The following FGFR2 variants were observed in gnomAD, a reference collection of about 807,000 sequenced individuals.
FGFR2 encodes fibroblast growth factor receptor 2.
FGFR2 carries 19 observed loss-of-function variants against 95.9 expected under a neutral mutation model. The observed-to-expected ratio is 0.20, with a 90% CI of 0.14 to 0.29. The LOEUF is 0.29. Ranked by LOEUF, FGFR2 falls within the 10% of genes least tolerant of loss-of-function variation. FGFR2 has a pLI of 1.00. For missense variants in FGFR2, 707 were observed against 1,056.9 expected (o/e 0.67, Z 4.59); for synonymous variants, 392 against 393.3 (o/e 1.00, Z 0.04).
intron 2 of FGFR2, among the ~76,000 whole-genome samples, chr10:121,578,300 A>G (rs17542768): frequency 0.12 from 17,511 of 152,138 alleles, 1,237 homozygotes; most frequent in South Asian, 0.21. Flanking sequence ...ACTCTGGCTT[A>G]CCTGTCCACA....
chr10:121,579,713 A>G (rs1245268847), intron 2 of FGFR2, among the ~76,000 whole-genome samples: 1 of 152,222 alleles, frequency 6.6e-6, no homozygotes, highest in Non-Finnish European at 1.5e-5. Context: ...CAGGAGCCGG[A>G]TAACTTACCC....
chr10:121,508,896 C>T (rs983972636), intron 9 of FGFR2, among the ~76,000 whole-genome samples: 1 of 152,198 alleles, frequency 6.6e-6, no homozygotes, highest in African/African-American at 2.4e-5. Context: ...CTATAAAATA[C>T]GGCTGGCTTT....
chr10:121,536,842 C>A (rs1419342286), intron 6 of FGFR2, among the ~76,000 whole-genome samples: 2 of 152,190 alleles, frequency 1.3e-5, no homozygotes, highest in African/African-American at 2.4e-5. Flanking sequence ...CAAAAGACTG[C>A]TATAGCTCAA....
chr10:121,560,523 G>A (rs368452511), intron 4 of FGFR2, among the ~76,000 whole-genome samples: 45 of 147,710 alleles, frequency 3.0e-4, no homozygotes, highest in East Asian at 2.1e-3. Context: ...GCTGAGGCAG[G>A]AGAATGGCGT....
At chr10:121,566,699 G>C (rs890716727) in intron 2 of FGFR2, among the ~76,000 whole-genome samples, 5 of 151,946 alleles carry the variant, frequency 3.3e-5, no homozygotes, top group African/African-American at 4.8e-5. Context: ...CAGCTCATGG[G>C]ATGCACCATA....
At chr10:121,577,178 T>TATATATATATATATATAGAG in intron 2 of FGFR2, among the ~76,000 whole-genome samples, 5 of 5,214 alleles carry the variant, frequency 9.6e-4, no homozygotes, top group Non-Finnish European at 1.7e-3. Context: ...TATATATATA[T>TATATATATATATATATAGAG]AGAGAGAGAG....
intron 17 of FGFR2, among the ~76,000 whole-genome samples, chr10:121,482,797 A>T (rs188705011): frequency 6.6e-6 from 1 of 152,272 alleles, no homozygotes; most frequent in Non-Finnish European, 1.5e-5. Context: ...AGGATCATAA[A>T]TTATTATTAT....
chr10:121,524,118 A>C (rs1850962748), intron 6 of FGFR2, among the ~76,000 whole-genome samples: 1 of 147,114 alleles, frequency 6.8e-6, no homozygotes, highest in African/African-American at 2.5e-5. Flanking sequence ...ACACACACAC[A>C]CACACACACA....
chr10:121,500,677 G>T, intron 11 of FGFR2, 149 bp downstream of exon 11: 1 of 1,105,248 alleles, frequency 9.0e-7, no homozygotes, highest in Non-Finnish European at 1.3e-6. Context: ...TGTCCGAGAT[G>T]CTGATTTATA....
Position 121,487,833 on chromosome 10 carries a change from T to C in FGFR2, c.1986+158A>G, listed in dbSNP as rs374906272. 2.6e-5 allele frequency among the ~76,000 whole-genome samples: 4 copies of C among 152,310 alleles called. 1 individual carries two copies. The highest frequency in any genetic ancestry group is 1.3e-4 in the Admixed American group (2 of 15,306). On this transcript the variant is annotated intron_variant, in intron 14 of 17. Coordinates refer to ENST00000358487, the MANE Select transcript of FGFR2 (RefSeq NM_000141.5). ...CATAATAGAGGCTAAATTTGCATAT[T>C]GAGAGTTTGTGAATAGTAAGTCAAA... is the stretch of plus-strand genomic sequence containing the variant.
At chr10:121,526,611 C>T (rs1204844893) in intron 6 of FGFR2, 3 of 398,126 alleles carry the variant, frequency 7.5e-6, no homozygotes, top group Non-Finnish European at 4.4e-6. Context: ...AAAAAGGGAA[C>T]GCTATGACGG....
At chr10:121,524,142 A>ACCTC (rs904480348) in intron 6 of FGFR2, among the ~76,000 whole-genome samples, 1 of 125,914 alleles carries the variant, frequency 7.9e-6, no homozygotes, top group African/African-American at 2.8e-5. Context: ...ACACACACAC[A>ACCTC]CACACCCCAA....
Position 121,498,480 on chromosome 10 carries a change from T to C in FGFR2, c.1672+15A>G. 6.5e-7 allele frequency: 1 copy of C among 1,537,070 alleles called. No individual in the cohort carries two copies. Among genetic ancestry groups the C allele is most frequent in the Non-Finnish European group, 9.0e-7 (1 of 1,109,670 alleles). ...GCAGAGTATTTGGGCGAATGCAGTTTTTCCTCCTACTCACCATCCTGTGTG... is the reference window on the plus strand; with the variant it reads ...GCAGAGTATTTGGGCGAATGCAGTTCTTCCTCCTACTCACCATCCTGTGTG... On this transcript the variant is annotated intron_variant, in intron 12 of 17. Coordinates refer to ENST00000358487, the MANE Select transcript of FGFR2 (RefSeq NM_000141.5).
At chr10:121,577,178 T>TATATATATATATAGAGAGAGAGAGAG in intron 2 of FGFR2, among the ~76,000 whole-genome samples, 1 of 5,214 alleles carries the variant, frequency 1.9e-4, no homozygotes, top group African/African-American at 7.8e-4. Context: ...TATATATATA[T>TATATATATATATAGAGAGAGAGAGAG]AGAGAGAGAG....
chr10:121,565,331 A>G, intron 3 of FGFR2, 107 bp downstream of exon 3: 1 of 1,425,644 alleles, frequency 7.0e-7, no homozygotes, highest in South Asian at 1.2e-5. Flanking sequence ...ATGAAGCTGT[A>G]TGCCTGGCAT....
At chr10:121,496,356 C>T (rs757395095) in intron 13 of FGFR2, among the ~76,000 whole-genome samples, 176 bp downstream of exon 13, 1 of 152,204 alleles carries the variant, frequency 6.6e-6, no homozygotes, top group Non-Finnish European at 1.5e-5. Flanking sequence ...TATGAGGCTG[C>T]TTTGGTTTTA....
At chr10:121,539,125 A>G (rs1853302967) in intron 5 of FGFR2, among the ~76,000 whole-genome samples, 1 of 152,230 alleles carries the variant, frequency 6.6e-6, no homozygotes, top group Non-Finnish European at 1.5e-5. Context: ...AGAACCATGT[A>G]GAACTAACAT....
intron 16 of FGFR2, among the ~76,000 whole-genome samples, chr10:121,484,988 G>T (rs1845222657): frequency 6.6e-6 from 1 of 152,162 alleles, no homozygotes; most frequent in Admixed American, 6.5e-5. Flanking sequence ...GGCTGTGTTG[G>T]TTCCTTAATC....
At chr10:121,509,765 G>A (rs777000410) in intron 9 of FGFR2, among the ~76,000 whole-genome samples, 1 of 151,910 alleles carries the variant, frequency 6.6e-6, no homozygotes, top group Non-Finnish European at 1.5e-5. Flanking sequence ...TTACAGGTGT[G>A]GGCCACTGCG....
Sources: gnomAD v4.1 joint callset for allele counts (sites outside exome capture counted in the v4.1 genomes callset) on GRCh38, gnomAD v4.1.1 for gene constraint, MANE v1.5 for transcripts, NCBI Gene and HGNC (gene_info 2026-07-23, HGNC 2026-07-21) for gene names.